The following DDX42 variants were observed in gnomAD, a reference collection of about 807,000 sequenced individuals.
The protein encoded by DDX42 is DEAD-box helicase 42.
Under a neutral mutation model 101.5 loss-of-function variants are expected in DDX42, and 22 were observed. The observed-to-expected ratio is 0.22, with a 90% CI of 0.15 to 0.31. DDX42 has a LOEUF of 0.31. Ranked by LOEUF, DDX42 falls within the 10% of genes least tolerant of loss-of-function variation. The pLI, the probability that DDX42 is intolerant of heterozygous loss-of-function variation, is 1.00. For synonymous variants in DDX42, 402 were observed against 401.2 expected, an observed-to-expected ratio of 1.00 and a Z score of -0.02; for missense variants, 849 against 1,199.9, an observed-to-expected ratio of 0.71 and a Z score of 4.32.
chr17:63,802,647 A>G (rs553094801), intron 6 of DDX42, among the ~76,000 whole-genome samples: 1 of 152,324 alleles, frequency 6.6e-6, no homozygotes, highest in African/African-American at 2.4e-5. Context: ...ATGGTGGCTC[A>G]TGCCTGTAAT....
intron 2 of DDX42, among the ~76,000 whole-genome samples, chr17:63,787,766 G>A (rs148223705): frequency 1.6e-4 from 24 of 151,902 alleles, no homozygotes; most frequent in African/African-American, 5.3e-4. Context: ...GCTTGAACCC[G>A]GGAGGCACAG....
At chr17:63,802,497 A>G (rs1045962726) in intron 6 of DDX42, among the ~76,000 whole-genome samples, 1 of 152,242 alleles carries the variant, frequency 6.6e-6, no homozygotes, top group African/African-American at 2.4e-5. Flanking sequence ...GCCAGACGCA[A>G]TGGCTCACGC....
Position 63,806,519 on chromosome 17 carries a change from T to C in DDX42, c.727-16T>C. 3 of 1,604,368 alleles carry C rather than the reference T, an allele frequency of 1.9e-6. No homozygotes were observed. Among genetic ancestry groups the C allele is most frequent in the East Asian group, 4.5e-5 (2 of 44,360 alleles). ...TTGAAGTACAAGTCATTCTGGGGAG[T>C]TGTCTCTATCTCTAGGTCTCTGGTG... On this transcript the variant is annotated splice_polypyrimidine_tract_variant and intron_variant, in intron 7 of 17. Transcript: ENST00000389924.
chr17:63,787,357 T>G, intron 2 of DDX42, 87 bp downstream of exon 2: 1 of 1,319,922 alleles, frequency 7.6e-7, no homozygotes, highest in South Asian at 1.4e-5. Flanking sequence ...GAAACTTTGT[T>G]TCTCAAATAA....
intron 2 of DDX42, among the ~76,000 whole-genome samples, chr17:63,788,954 G>A (rs148535012): frequency 6.2e-4 from 94 of 152,206 alleles, no homozygotes; most frequent in Middle Eastern, 6.8e-3. Context: ...GAGTGGAGTG[G>A]TGCGATCAAG....
chr17:63,775,398 G>A (rs890440196), intron 1 of DDX42, among the ~76,000 whole-genome samples: 1 of 152,180 alleles, frequency 6.6e-6, no homozygotes, highest in Non-Finnish European at 1.5e-5. Flanking sequence ...TCTAGTAGCG[G>A]GAGGAGAGGC....
At chr17:63,778,715 A>G (rs1345023869) in intron 1 of DDX42, among the ~76,000 whole-genome samples, 1 of 151,660 alleles carries the variant, frequency 6.6e-6, no homozygotes, top group African/African-American at 2.4e-5. Context: ...ATCTCGGCTC[A>G]CTGCAGCCTC....
intron 2 of DDX42, among the ~76,000 whole-genome samples, chr17:63,791,277 A>G (rs1421971237): frequency 6.6e-6 from 1 of 152,176 alleles, no homozygotes; most frequent in Non-Finnish European, 1.5e-5. Flanking sequence ...CTTAAGTAGT[A>G]TCTTAAATTA....
At chr17:63,815,727 G>C in intron 16 of DDX42, 54 bp downstream of exon 16, 1 of 1,271,708 alleles carries the variant, frequency 7.9e-7, no homozygotes, top group Non-Finnish European at 1.1e-6. Flanking sequence ...TGTCCTGAAA[G>C]TCATTAGGAA....
At chr17:63,785,332 C>A (rs752434510) in intron 1 of DDX42, among the ~76,000 whole-genome samples, 9 of 151,670 alleles carry the variant, frequency 5.9e-5, no homozygotes, top group African/African-American at 9.7e-5. Context: ...CACTTGTAAT[C>A]CCAGCTACCC....
At chr17:63,795,762 T>G (rs1229031207) in intron 3 of DDX42, among the ~76,000 whole-genome samples, 2 of 152,246 alleles carry the variant, frequency 1.3e-5, no homozygotes, top group Non-Finnish European at 2.9e-5. Context: ...ATATGCCTAC[T>G]TATTTCCAGT....
Position 63,789,525 on chromosome 17 carries a change from G to GA in DDX42, c.221+2263dup, listed in dbSNP as rs572844803. ...TACTGCACCCAGCAGATGTTAATTG[G>GA]AAAAAAAAGCTTCTAAAAGACTTTT... is the stretch of plus-strand genomic sequence containing the variant. On this transcript the variant is annotated intron_variant, in intron 2 of 17. Transcript: ENST00000389924. 4.4e-5 allele frequency among the ~76,000 whole-genome samples: 6 copies of GA among 137,052 alleles called. No individual in the cohort carries two copies. In the South Asian group the frequency reaches 1.2e-3, roughly 28 times the overall value. 89.9% of individuals were successfully genotyped at this position (137,052 alleles called of 152,430 possible).
intron 13 of DDX42, chr17:63,811,566 G>T: frequency 2.6e-6 from 1 of 379,298 alleles, no homozygotes; most frequent in Non-Finnish European, 4.8e-6. Context: ...GACCTGGAAG[G>T]CCTGGAAAAA....
intron 3 of DDX42, 86 bp downstream of exon 3, chr17:63,792,648 G>T: frequency 3.7e-5 from 51 of 1,374,850 alleles, no homozygotes; most frequent in Middle Eastern, 1.9e-4. Flanking sequence ...TTCAAAATTT[G>T]TTTTCTAGTC....
intron 13 of DDX42, 59 bp from the exon 14 acceptor site, chr17:63,811,873 T>G: frequency 6.2e-7 from 1 of 1,610,464 alleles, no homozygotes; most frequent in Non-Finnish European, 8.5e-7. Context: ...GCCTAGTCCT[T>G]GTTCAGGTGC....
At chr17:63,789,553 G>GTTTTTTTTTT (rs1567732957) in intron 2 of DDX42, among the ~76,000 whole-genome samples, 1 of 28,656 alleles carries the variant, frequency 3.5e-5, no homozygotes, top group African/African-American at 9.5e-5. Flanking sequence ...AGACTTTTTT[G>GTTTTTTTTTT]TTTTTGTTTT....
In DDX42 at chr17:63,811,011, A is replaced by C. The variant is rs891376951; in HGVS notation, c.1301-65A>C. Reference sequence around the variant, plus strand: ...AACTGAATAATCCTGAATGCCAAAGAAGCTTAATGGGTATGCATAAAGATA... The same window carrying C: ...AACTGAATAATCCTGAATGCCAAAGCAGCTTAATGGGTATGCATAAAGATA... On this transcript the variant is annotated intron_variant, in intron 12 of 17. Transcript: ENST00000389924. 4 of 1,332,456 alleles carry C rather than the reference A, an allele frequency of 3.0e-6. No individual in the cohort carries two copies. In the Admixed American group the frequency reaches 8.6e-5, roughly 29 times the overall value. 82.5% of individuals were successfully genotyped at this position (1,332,456 alleles called of 1,614,324 possible). A position where few individuals can be genotyped will look rare whatever the true frequency, so the allele number is the denominator to read the frequency against.
At position 63,799,625 on chromosome 17, in the gene DDX42, A is replaced by G; in HGVS notation, c.471A>G (p.Gln157=). The G allele has an allele frequency of 6.2e-7, 1 of 1,613,090 alleles. No homozygotes were observed. The highest frequency in any genetic ancestry group is 1.7e-5 in the Admixed American group (1 of 59,950). The change falls in exon 5 of 18, where the codon CAA becomes CAG. Residue 157 remains glutamine, a splice_region_variant and synonymous_variant. Coordinates refer to ENST00000389924, the MANE Select transcript of DDX42 (RefSeq NM_203499.3). The part of the protein sequence containing the change: ...IRDDIEEEDD[Q]EAYFRYMAEN... Reference sequence around the variant, plus strand: ...ATGACATTGAAGAGGAAGATGACCAAGTGAGTTCCTATGCAGTATTTCTAT... The same window carrying G: ...ATGACATTGAAGAGGAAGATGACCAGGTGAGTTCCTATGCAGTATTTCTAT...
chr17:63,786,928 G>C, intron 1 of DDX42, 106 bp from the exon 2 acceptor site: 1 of 1,088,152 alleles, frequency 9.2e-7, no homozygotes, highest in Non-Finnish European at 1.3e-6. Context: ...CACCTGCCTT[G>C]GCCTCCCAAA....
Sources: gnomAD v4.1 joint callset for allele counts (sites outside exome capture counted in the v4.1 genomes callset) on GRCh38, gnomAD v4.1.1 for gene constraint, MANE v1.5 for transcripts, NCBI Gene and HGNC (gene_info 2026-07-23, HGNC 2026-07-21) for gene names.